Variants in ASAP2 observed in about 807,000 individuals in gnomAD.
The protein encoded by ASAP2 is arf-GAP with SH3 domain, ANK repeat and PH domain-containing protein 2.
Under a neutral mutation model 131.4 loss-of-function variants are expected in ASAP2, and 45 were observed. The observed-to-expected ratio is 0.34, with a 90% confidence interval of 0.27 to 0.44. The LOEUF (loss-of-function observed/expected upper bound fraction) is 0.44, where lower values mean the gene tolerates loss of function less well. Ranked by LOEUF, ASAP2 falls within the 20% of genes least tolerant of loss-of-function variation. ASAP2 has a pLI of 1.00. For missense variants in ASAP2, 1,011 were observed against 1,297.0 expected (o/e 0.78, Z 3.39); for synonymous variants, 510 against 503.0 (o/e 1.01, Z -0.19).
chr2:9,227,044 G>A (rs1662822391), intron 1 of ASAP2, among the ~76,000 whole-genome samples: 1 of 152,154 alleles, frequency 6.6e-6, no homozygotes. Flanking sequence ...CTGGCGAGAA[G>A]GAAGTATGTG....
chr2:9,378,611 C>T (rs559223687), intron 18 of ASAP2, among the ~76,000 whole-genome samples: 3 of 152,352 alleles, frequency 2.0e-5, no homozygotes, highest in South Asian at 4.1e-4. Context: ...GCCAGTGGGA[C>T]GTGAGAAGGA....
intron 16 of ASAP2, among the ~76,000 whole-genome samples, chr2:9,372,155 A>G (rs989391097): frequency 6.6e-6 from 1 of 152,158 alleles, no homozygotes; most frequent in Admixed American, 6.5e-5. Flanking sequence ...ATTGTCCCAC[A>G]GTGATGATTG....
intron 15 of ASAP2, among the ~76,000 whole-genome samples, chr2:9,363,222 A>G (rs757664991): frequency 5.9e-5 from 9 of 152,204 alleles, no homozygotes; most frequent in African/African-American, 9.7e-5. Context: ...TTGATTCCCT[A>G]TCTCGACTAT....
At chr2:9,223,093 G>A (rs1662542245) in intron 1 of ASAP2, among the ~76,000 whole-genome samples, 1 of 152,200 alleles carries the variant, frequency 6.6e-6, no homozygotes, top group African/African-American at 2.4e-5. Context: ...ACACTTGCAA[G>A]CGACTGCTTT....
At chr2:9,348,329 A>ATATT (rs1409513236) in intron 11 of ASAP2, among the ~76,000 whole-genome samples, 1,752 of 151,920 alleles carry the variant, frequency 0.012, 36 homozygotes, top group African/African-American at 0.041. Flanking sequence ...TAAATCAGCC[A>ATATT]GGTCAGGCTG....
intron 10 of ASAP2, 32 bp downstream of exon 10, chr2:9,344,667 G>A: frequency 1.2e-6 from 2 of 1,612,620 alleles, no homozygotes; most frequent in South Asian, 2.2e-5. Flanking sequence ...GAGTTTAAAT[G>A]TACGTTCGTT....
intron 1 of ASAP2, among the ~76,000 whole-genome samples, chr2:9,277,620 C>T (rs762277144): frequency 8.5e-5 from 13 of 152,204 alleles, no homozygotes; most frequent in East Asian, 3.9e-4. Flanking sequence ...TCCAAATACC[C>T]GTTCCCCTTG....
intron 2 of ASAP2, among the ~76,000 whole-genome samples, chr2:9,280,352 C>A (rs1235344441): frequency 1.3e-5 from 2 of 151,958 alleles, no homozygotes; most frequent in African/African-American, 4.8e-5. Context: ...CCACCTGCTC[C>A]CCCCCACCGC....
intron 15 of ASAP2, among the ~76,000 whole-genome samples, chr2:9,365,859 G>A (rs1673434626): frequency 6.6e-6 from 1 of 152,220 alleles, no homozygotes; most frequent in African/African-American, 2.4e-5. Flanking sequence ...GGGGCTCAGA[G>A]TGTGCTCCTG....
chr2:9,379,187 A>C, intron 19 of ASAP2, 128 bp downstream of exon 19: 1 of 514,748 alleles, frequency 1.9e-6, no homozygotes, highest in Non-Finnish European at 3.2e-6. Context: ...AAAGAGAAGG[A>C]GAACCTACCG....
intron 1 of ASAP2, among the ~76,000 whole-genome samples, chr2:9,233,643 T>C (rs1663327553): frequency 6.6e-6 from 1 of 152,248 alleles, no homozygotes; most frequent in African/African-American, 2.4e-5. Flanking sequence ...TAGGTTTTGC[T>C]AATTGATACC....
intron 19 of ASAP2, among the ~76,000 whole-genome samples, chr2:9,380,261 A>T (rs1476448270): frequency 3.9e-5 from 6 of 151,944 alleles, no homozygotes; most frequent in African/African-American, 1.2e-4. Context: ...GCAGTGGCAC[A>T]ATCTCGGCTC....
chr2:9,222,413 C>A (rs540660184), intron 1 of ASAP2, among the ~76,000 whole-genome samples: 1 of 152,320 alleles, frequency 6.6e-6, no homozygotes, highest in Admixed American at 6.5e-5. Flanking sequence ...TAGAGCCAGG[C>A]CTCGTGTGTT....
chr2:9,391,025 T>C, intron 22 of ASAP2, 37 bp from the exon 23 acceptor site: 3 of 1,613,816 alleles, frequency 1.9e-6, no homozygotes, highest in Non-Finnish European at 2.5e-6. Flanking sequence ...CGTGTATGTG[T>C]GCGTGCATGC....
Position 9,327,850 on chromosome 2 carries a change from A to C in ASAP2, c.625A>C (p.Lys209Gln). 1 of 1,588,646 alleles carries C rather than the reference A, an allele frequency of 6.3e-7. No homozygotes were observed. Among genetic ancestry groups the C allele is most frequent in the Non-Finnish European group, 8.5e-7 (1 of 1,171,588 alleles). Residue 209 changes from lysine (K) to glutamine (Q), a missense_variant, in exon 7 of 28, where the codon AAG becomes CAG. Around this residue, in one of 2 missense-constraint regions of ASAP2, gnomAD observed 359 missense variants for 598.1 expected, o/e 0.60. Transcript: ENST00000281419. The stretch of plus-strand genomic sequence containing the variant: ...GTATCTGCTGAAGGTCAACGAAATC[A>C]AGATTAAAAAGGGAGTAGATTTACT... Reference protein sequence around the residue: ...CEYLLKVNEIKIKKGVDLLQN... With the variant: ...CEYLLKVNEIQIKKGVDLLQN...
chr2:9,322,780 G>A (rs1206167157), intron 5 of ASAP2, among the ~76,000 whole-genome samples: 3 of 152,196 alleles, frequency 2.0e-5, no homozygotes, highest in African/African-American at 7.2e-5. Flanking sequence ...CAGTGGGTAG[G>A]GAAGAGTCAG....
At chr2:9,252,972 C>G (rs539915543) in intron 1 of ASAP2, among the ~76,000 whole-genome samples, 1 of 151,826 alleles carries the variant, frequency 6.6e-6, no homozygotes, top group East Asian at 1.9e-4. Flanking sequence ...GGCCCAATCA[C>G]TGGTCCTACA....
intron 2 of ASAP2, among the ~76,000 whole-genome samples, chr2:9,287,669 C>T (rs536266127): frequency 6.6e-6 from 1 of 152,262 alleles, no homozygotes; most frequent in Admixed American, 6.5e-5. Flanking sequence ...GTTCCTGCAG[C>T]GGGTGGACGG....
intron 1 of ASAP2, among the ~76,000 whole-genome samples, chr2:9,258,841 A>G (rs1198327192): frequency 6.6e-6 from 1 of 152,190 alleles, no homozygotes; most frequent in African/African-American, 2.4e-5. Context: ...CACTTCTCAA[A>G]CTAAACATAG....
Sources: gnomAD v4.1 joint callset for allele counts (sites outside exome capture counted in the v4.1 genomes callset) on GRCh38, gnomAD v4.1.1 for gene constraint, gnomAD v4.1.1 regional missense constraint, MANE v1.5 for transcripts, NCBI Gene and HGNC (gene_info 2026-07-23, HGNC 2026-07-21) for gene names.